Variants in AGBL3 observed in about 807,000 individuals in gnomAD.
AGBL3 encodes the protein cytosolic carboxypeptidase 3.
Under a neutral mutation model 94.5 loss-of-function variants are expected in AGBL3, and 68 were observed. That is an observed-to-expected ratio of 0.72 (90% CI 0.59 to 0.88). The LOEUF (loss-of-function observed/expected upper bound fraction) is 0.88, where lower values mean the gene tolerates loss of function less well. Among genes scored for constraint, AGBL3 ranks in the 40% least tolerant of loss-of-function variants. AGBL3 has a pLI of 0.00. For missense variants in AGBL3, 934 were observed against 1,103.8 expected (o/e 0.85, Z 2.18); for synonymous variants, 354 against 370.7 (o/e 0.95, Z 0.52).
At chr7:135,115,337 T>C in intron 15 of AGBL3, 43 bp from the exon 16 acceptor site, 1 of 1,267,220 alleles carries the variant, frequency 7.9e-7, no homozygotes, top group Non-Finnish European at 1.1e-6. Flanking sequence ...TAATTGTGAA[T>C]AGAGTTCATA....
intron 8 of AGBL3, among the ~76,000 whole-genome samples, chr7:135,041,952 T>G (rs2116529693): frequency 6.6e-6 from 1 of 152,276 alleles, no homozygotes; most frequent in East Asian, 1.9e-4. Flanking sequence ...CTCAGGGAAC[T>G]GCAAAGTAAA....
chr7:135,134,410 C>T (rs942844329), intron 16 of AGBL3, among the ~76,000 whole-genome samples: 7 of 151,990 alleles, frequency 4.6e-5, no homozygotes, highest in African/African-American at 1.7e-4. Context: ...CTCTCTTAGA[C>T]TCACGTTGAT....
At chr7:135,130,578 G>A (rs544202463) in intron 16 of AGBL3, among the ~76,000 whole-genome samples, 2 of 151,648 alleles carry the variant, frequency 1.3e-5, no homozygotes, top group Non-Finnish European at 2.9e-5. Flanking sequence ...TCCTCTGCTG[G>A]AATAGGAGAA....
rs1313649089 is a variant in AGBL3, at chr7:135,081,804, G to C, written c.2110+14G>C. The stretch of plus-strand genomic sequence containing the variant: ...ATCAAGGTTTGGGTGAGTAAAATAG[G>C]AACACAGACAGTAATGAGTGGTCCC... On this transcript the variant is annotated intron_variant, in intron 15 of 16. Transcript: ENST00000436302. 6.7e-7 allele frequency: 1 copy of C among 1,497,252 alleles called. No individual in the cohort carries two copies. The highest frequency in any genetic ancestry group is 2.0e-5 in the Admixed American group (1 of 50,642). The allele number at this position is 1,497,252 out of a possible 1,614,324, so 92.7% of individuals were successfully genotyped here. A position where few individuals can be genotyped will look rare whatever the true frequency, so the allele number is the denominator to read the frequency against.
intron 8 of AGBL3, among the ~76,000 whole-genome samples, chr7:135,041,339 G>A (rs535207531): frequency 6.6e-6 from 1 of 152,186 alleles, no homozygotes; most frequent in South Asian, 2.1e-4. Flanking sequence ...AAAGTTGAAG[G>A]AATCACTATC....
intron 5 of AGBL3, among the ~76,000 whole-genome samples, chr7:135,026,268 T>TTTTATTTTATTTATTTTATTTTATTTTA (rs1815122983): frequency 2.4e-5 from 2 of 83,254 alleles, no homozygotes; most frequent in African/African-American, 7.2e-5. Flanking sequence ...TTTTATTTTA[T>TTTTATTTTATTTATTTTATTTTATTTTA]TTTATTTTAT....
chr7:135,085,054 A>G (rs1821225893), intron 15 of AGBL3, among the ~76,000 whole-genome samples: 1 of 151,990 alleles, frequency 6.6e-6, no homozygotes, highest in African/African-American at 2.4e-5. Flanking sequence ...ATATGAGACC[A>G]TATCTCCTTG....
intron 15 of AGBL3, among the ~76,000 whole-genome samples, chr7:135,085,195 TTTTG>T (rs922763244): frequency 9.2e-5 from 14 of 152,104 alleles, no homozygotes; most frequent in African/African-American, 2.2e-4. Context: ...AGTAGGTTAT[TTTTG>T]TTTGTTTATT....
chr7:134,993,754 C>A, intron 4 of AGBL3, 76 bp downstream of exon 4: 2 of 1,234,052 alleles, frequency 1.6e-6, no homozygotes, highest in Admixed American at 3.2e-5. Flanking sequence ...TGAGGAGACT[C>A]ACAATGTTAG....
chr7:135,015,908 G>C (rs1350578541), intron 4 of AGBL3, among the ~76,000 whole-genome samples: 1 of 150,336 alleles, frequency 6.7e-6, no homozygotes, highest in Non-Finnish European at 1.5e-5. Flanking sequence ...GCAGGCGTCT[G>C]TAGTCCCAGC....
chr7:135,074,795 T>TA (rs1690369847), intron 12 of AGBL3, among the ~76,000 whole-genome samples: 1 of 151,986 alleles, frequency 6.6e-6, no homozygotes, highest in Non-Finnish European at 1.5e-5. Context: ...CCCTCTGGAG[T>TA]AAAAAATAAC....
intron 12 of AGBL3, among the ~76,000 whole-genome samples, chr7:135,068,375 A>G (rs921748140): frequency 1.3e-5 from 2 of 152,168 alleles, no homozygotes; most frequent in Admixed American, 6.5e-5. Flanking sequence ...AATTCAGGAA[A>G]TACAGAGAAC....
Position 135,103,025 on chromosome 7 carries a change from C to T in AGBL3, c.2111-12355C>T, listed in dbSNP as rs532469057. Among the ~76,000 whole-genome samples, 10 of 152,284 alleles carry T rather than the reference C, an allele frequency of 6.6e-5. No homozygotes were observed. The East Asian group carries it at 1.9e-3, about 29-fold the overall frequency. ...TTACCAAATGTACAACCAATAAAGG[C>T]CTTGTTTTATACCTATGTCATTTCT... On this transcript the variant is annotated intron_variant, in intron 15 of 16. Transcript: ENST00000436302.
chr7:135,021,171 G>A (rs9642006), intron 5 of AGBL3, among the ~76,000 whole-genome samples: 141,407 of 152,138 alleles, frequency 0.93, 66,518 homozygotes, highest in Non-Finnish European at 1. Context: ...TTCCATTGAT[G>A]TATTGATAGT....
At chr7:135,032,177 GT>G (rs1167746807) in intron 5 of AGBL3, among the ~76,000 whole-genome samples, 2 of 152,080 alleles carry the variant, frequency 1.3e-5, no homozygotes, top group African/African-American at 2.4e-5. Context: ...TGTTCTATTT[GT>G]TGTCCAAATG....
intron 4 of AGBL3, among the ~76,000 whole-genome samples, chr7:134,999,480 A>G (rs1363432437): frequency 6.6e-6 from 1 of 152,120 alleles, no homozygotes; most frequent in Non-Finnish European, 1.5e-5. Flanking sequence ...CTACATTCCT[A>G]CACCTCTCCC....
chr7:135,068,751 AG>A (rs766089545), intron 12 of AGBL3, among the ~76,000 whole-genome samples: 81 of 152,374 alleles, frequency 5.3e-4, no homozygotes, highest in Non-Finnish European at 9.1e-4. Context: ...AAACATGGAA[AG>A]GAACAACCAG....
At chr7:135,087,509 A>G (rs533996884) in intron 15 of AGBL3, among the ~76,000 whole-genome samples, 1 of 151,920 alleles carries the variant, frequency 6.6e-6, no homozygotes, top group Non-Finnish European at 1.5e-5. Context: ...GCTATATCCT[A>G]TAGGTTTTGG....
At chr7:135,028,172 A>C (rs1013854562) in intron 5 of AGBL3, among the ~76,000 whole-genome samples, 6 of 151,582 alleles carry the variant, frequency 4.0e-5, no homozygotes, top group Non-Finnish European at 7.4e-5. Flanking sequence ...CTGACTGATC[A>C]GGGTGGTGGT....
Sources: gnomAD v4.1 joint callset for allele counts (sites outside exome capture counted in the v4.1 genomes callset) on GRCh38, gnomAD v4.1.1 for gene constraint, MANE v1.5 for transcripts, NCBI Gene and HGNC (gene_info 2026-07-23, HGNC 2026-07-21) for gene names.